The following ZNF496 variants were observed in gnomAD, a reference collection of about 807,000 sequenced individuals.
ZNF496 encodes the protein zinc finger protein 496.
ZNF496 carries 11 observed loss-of-function variants against 58.9 expected under a neutral mutation model. That is an observed-to-expected ratio of 0.19 (90% CI 0.12 to 0.31). The LOEUF (loss-of-function observed/expected upper bound fraction) is 0.31. Ranked by LOEUF, ZNF496 falls within the 10% of genes least tolerant of loss-of-function variation. The probability of loss-of-function intolerance (pLI) is 1.00; values close to 1 mark genes in which losing one functional copy is unlikely to be tolerated. For synonymous variants in ZNF496, 338 were observed against 318.2 expected (o/e 1.06, Z -0.66); for missense variants, 660 against 783.0 (o/e 0.84, Z 1.88).
Position 247,300,449 on chromosome 1 carries a change from G to T in ZNF496, c.*70C>A, listed in dbSNP as rs1659199966. ...ATCCTGGGGAAGGTATGTCCTGGGT[G>T]GGGGCGCTGATCAGTACCAAGGTGA... On this transcript the variant is annotated 3_prime_UTR_variant, in exon 10 of 10. Coordinates refer to ENST00000682384, the MANE Select transcript of ZNF496 (RefSeq NM_032752.3). The surrounding 1 kb of genome is among the most constrained non-coding windows in gnomAD (Gnocchi z 5.7). 1.3e-6 allele frequency: 2 copies of T among 1,487,952 alleles called. No homozygotes were observed. The highest frequency in any genetic ancestry group is 1.8e-6 in the Non-Finnish European group (2 of 1,110,152). The allele number at this position is 1,487,952 out of a possible 1,614,324, so 92.2% of individuals were successfully genotyped here.
At chr1:247,303,493 T>C (rs1010461857) in intron 9 of ZNF496, among the ~76,000 whole-genome samples, 3 of 152,118 alleles carry the variant, frequency 2.0e-5, no homozygotes, top group African/African-American at 7.2e-5. Context: ...AGTTCTGAAG[T>C]GCATGTTTAA....
At chr1:247,322,845 G>C in intron 6 of ZNF496, 1 of 1,264,356 alleles carries the variant, frequency 7.9e-7, no homozygotes, top group Non-Finnish European at 1.1e-6. Flanking sequence ...TTTTTCACAA[G>C]AGGGGAACTT....
At chr1:247,317,196 G>T (rs1412219849) in intron 6 of ZNF496, among the ~76,000 whole-genome samples, 3 of 152,138 alleles carry the variant, frequency 2.0e-5, no homozygotes, top group Non-Finnish European at 4.4e-5. Context: ...GAGGGTGGCA[G>T]AATGGCCAGG....
intron 5 of ZNF496, among the ~76,000 whole-genome samples, chr1:247,327,014 C>T (rs375047076): frequency 2.6e-5 from 4 of 152,094 alleles, no homozygotes; most frequent in African/African-American, 2.4e-5. Context: ...TGGGTTTTTA[C>T]GGGTCCCAAA....
intron 2 of ZNF496, among the ~76,000 whole-genome samples, chr1:247,330,547 G>A (rs1241675887): frequency 6.6e-6 from 1 of 152,200 alleles, no homozygotes; most frequent in Non-Finnish European, 1.5e-5. Context: ...CCTCCCCGCT[G>A]GTGTGCAGAC....
At chr1:247,327,678 A>T (rs1476344976) in intron 5 of ZNF496, among the ~76,000 whole-genome samples, 3 of 152,218 alleles carry the variant, frequency 2.0e-5, no homozygotes, top group Non-Finnish European at 2.9e-5. Flanking sequence ...TGGTTTTATT[A>T]CTGAAAAGCT....
chr1:247,322,184 G>T (rs1440750360), intron 6 of ZNF496, among the ~76,000 whole-genome samples: 1 of 152,286 alleles, frequency 6.6e-6, no homozygotes, highest in South Asian at 2.1e-4. Context: ...TCAGGAGACC[G>T]AGGTGGGAGG....
intron 5 of ZNF496, among the ~76,000 whole-genome samples, 165 bp downstream of exon 5, chr1:247,328,518 G>A (rs1660212965): frequency 2.0e-5 from 3 of 152,138 alleles, no homozygotes; most frequent in Non-Finnish European, 1.5e-5. Context: ...TCATTTAATT[G>A]CTCTAGGAAG....
rs762391603 is a variant in ZNF496, at chr1:247,308,143, G to A, written c.1006+332C>T. On this transcript the variant is annotated intron_variant, in intron 9 of 9. Coordinates refer to ENST00000682384, the MANE Select transcript of ZNF496 (RefSeq NM_032752.3). The surrounding 1 kb of genome is among the most constrained non-coding windows in gnomAD (Gnocchi z 4.5). Reference sequence around the variant, plus strand: ...GGAGGGTGAGCCTGGGATTGGGAGTGAGCTGGAGAATGACCCCAGCACAAC... The same window carrying A: ...GGAGGGTGAGCCTGGGATTGGGAGTAAGCTGGAGAATGACCCCAGCACAAC... 4.2e-6 allele frequency: 2 copies of A among 473,714 alleles called. No homozygotes were observed. Among genetic ancestry groups the A allele is most frequent in the Non-Finnish European group, 5.5e-6 (2 of 362,456 alleles). 29.3% of individuals were successfully genotyped at this position (473,714 alleles called of 1,614,324 possible). A position where few individuals can be genotyped will look rare whatever the true frequency, so the allele number is the denominator to read the frequency against.
chr1:247,322,945 C>T, intron 6 of ZNF496: 1 of 716,576 alleles, frequency 1.4e-6, no homozygotes, highest in Non-Finnish European at 2.2e-6. Context: ...GGCCTGATGA[C>T]AGTAGACCCA....
intron 9 of ZNF496, among the ~76,000 whole-genome samples, chr1:247,302,284 A>C (rs545326762): frequency 2.8e-4 from 43 of 152,256 alleles, no homozygotes; most frequent in South Asian, 2.1e-3. Flanking sequence ...TTGGACAAAC[A>C]GAAGCAGGGC....
At chr1:247,316,924 C>G (rs79543803) in intron 6 of ZNF496, among the ~76,000 whole-genome samples, 3 of 152,102 alleles carry the variant, frequency 2.0e-5, no homozygotes, top group Non-Finnish European at 4.4e-5. Context: ...TTGTGAGGCA[C>G]ACAAATAAAT....
intron 6 of ZNF496, among the ~76,000 whole-genome samples, chr1:247,317,231 T>A (rs901598601): frequency 7.9e-5 from 12 of 152,050 alleles, no homozygotes; most frequent in African/African-American, 2.9e-4. Context: ...ATGTGCTAAG[T>A]TCACTGGTTT....
In ZNF496 at chr1:247,329,526, G is replaced by A. The variant is rs768860810; in HGVS notation, c.53C>T (p.Pro18Leu). 4 of 1,579,142 alleles carry A rather than the reference G, an allele frequency of 2.5e-6. No individual in the cohort carries two copies. Among genetic ancestry groups the A allele is most frequent in the Non-Finnish European group, 3.4e-6 (4 of 1,168,030 alleles). ...RVLAPKESEE[P>L]RKMRSPPGEN... Reference sequence around the variant, plus strand: ...TCCAGGTGGGCTCCTCATTTTCCTGGGCTCCTCACTTTCCTTCGGAGCCAA... The same window carrying A: ...TCCAGGTGGGCTCCTCATTTTCCTGAGCTCCTCACTTTCCTTCGGAGCCAA... The change falls in exon 4 of 10, where the codon CCC (proline) becomes CTC (leucine). Residue 18 changes from proline (P) to leucine (L), a missense_variant. Pro to Leu is a moderately conservative substitution (Grantham distance 98). Coordinates refer to ENST00000682384, the MANE Select transcript of ZNF496 (RefSeq NM_032752.3). The surrounding 1 kb of genome is among the most constrained non-coding windows in gnomAD (Gnocchi z 5.5).
At chr1:247,325,786 T>C (rs1660099419) in intron 5 of ZNF496, among the ~76,000 whole-genome samples, 2 of 152,092 alleles carry the variant, frequency 1.3e-5, no homozygotes, top group South Asian at 4.1e-4. Flanking sequence ...TGAGCCACCA[T>C]GCCTGGCTAG....
Position 247,329,564 on chromosome 1 carries a change from C to A in ZNF496, c.15G>T (p.Leu5=). 6.4e-7 allele frequency: 1 copy of A among 1,560,404 alleles called. No individual in the cohort carries two copies. The highest frequency in any genetic ancestry group is 8.6e-7 in the Non-Finnish European group (1 of 1,160,300). Residue 5 remains leucine, a synonymous_variant, in exon 4 of 10, where the codon CTG becomes CTT. Coordinates refer to ENST00000682384, the MANE Select transcript of ZNF496 (RefSeq NM_032752.3). This position sits in a 1 kb window ranked among gnomAD's most constrained non-coding sequence, Gnocchi z 5.5. Reference sequence around the variant, plus strand: ...CCTTCGGAGCCAAGACTCGGGGGCACAGGGCTGTGGGCATGATGGGATTTG... The same window carrying A: ...CCTTCGGAGCCAAGACTCGGGGGCAAAGGGCTGTGGGCATGATGGGATTTG... MPTA[L]CPRVLAPKES...
At chr1:247,322,855 T>C (rs1186244065) in intron 6 of ZNF496, 23 of 1,214,594 alleles carry the variant, frequency 1.9e-5, no homozygotes, top group East Asian at 3.9e-5. Flanking sequence ...GAGGGGAACT[T>C]AGACATGCTG....
At position 247,308,802 on chromosome 1, in the gene ZNF496, A is replaced by C; in HGVS notation, c.893-214T>G. ...CTCCACAAACATGAGCTCTGACGCT[A>C]GACAGAATCGACGTAGATCCGGGTT... On this transcript the variant is annotated intron_variant, in intron 8 of 9. Transcript: ENST00000682384. This position sits in a 1 kb window ranked among gnomAD's most constrained non-coding sequence, Gnocchi z 4.5. 1.9e-6 allele frequency: 1 copy of C among 526,016 alleles called. No individual in the cohort carries two copies. The highest frequency in any genetic ancestry group is 3.4e-6 in the Non-Finnish European group (1 of 290,536). The allele number at this position is 526,016 out of a possible 1,614,324, so 32.6% of individuals were successfully genotyped here.
In ZNF496 at chr1:247,300,613, T is replaced by C. The variant is rs773592885; in HGVS notation, c.1670A>G (p.Tyr557Cys). The C allele has an allele frequency of 6.2e-7, 1 of 1,614,118 alleles. No individual in the cohort carries two copies. The highest frequency in any genetic ancestry group is 8.5e-7 in the Non-Finnish European group (1 of 1,180,034). The change falls in exon 10 of 10, where the codon TAC (tyrosine) becomes TGC (cysteine). Residue 557 changes from tyrosine (Y) to cysteine (C), a missense_variant. By Grantham distance (194) the Tyr-to-Cys change is radical (BLOSUM62 -2). Coordinates refer to ENST00000682384, the MANE Select transcript of ZNF496 (RefSeq NM_032752.3). This position sits in a 1 kb window ranked among gnomAD's most constrained non-coding sequence, Gnocchi z 5.7. Reference protein sequence around the residue: ...KDKARPFQCRYCVKSFTQNYD... With the variant: ...KDKARPFQCRCCVKSFTQNYD... ...GTTCTGCGTGAAGCTCTTGACGCAG[T>C]ACCGGCACTGGAAGGGCCGGGCTTT...
Sources: gnomAD v4.1 joint callset for allele counts (sites outside exome capture counted in the v4.1 genomes callset) on GRCh38, gnomAD v4.1.1 for gene constraint, Gnocchi (gnomAD v3.1) non-coding constraint, MANE v1.5 for transcripts, NCBI Gene and HGNC (gene_info 2026-07-23, HGNC 2026-07-21) for gene names.